The following SNTA1 variants were observed in gnomAD, a reference collection of about 807,000 sequenced individuals.
SNTA1 encodes syntrophin alpha 1, also known as alpha-1-syntrophin.
Under a neutral mutation model 47.1 loss-of-function variants are expected in SNTA1, and 31 were observed. That is an observed-to-expected ratio of 0.66 (90% confidence interval 0.49 to 0.89). SNTA1 has a LOEUF of 0.89. SNTA1 is among the 40% of genes least tolerant of loss of function. SNTA1 has a pLI of 0.00. For missense variants in SNTA1, 575 were observed against 693.0 expected, an observed-to-expected ratio of 0.83 and a Z score of 1.91; for synonymous variants, 300 against 313.6, an observed-to-expected ratio of 0.96 and a Z score of 0.46.
At position 33,433,411 on chromosome 20, in the gene SNTA1, C is replaced by T. The variant is rs765817966; in HGVS notation, c.496+5430G>A. Among the ~76,000 whole-genome samples, 8 of 151,498 alleles carry T rather than the reference C, an allele frequency of 5.3e-5. 1 individual carries two copies. The highest frequency in any genetic ancestry group is 8.8e-5 in the Non-Finnish European group (6 of 67,904). On this transcript the variant is annotated intron_variant, in intron 2 of 7. Transcript: ENST00000217381. ...TCCCGAGTAGCTGGGATTACAGGCGCGTGTCACCATGCTCAGCTAATTTTT... is the reference window on the plus strand; with the variant it reads ...TCCCGAGTAGCTGGGATTACAGGCGTGTGTCACCATGCTCAGCTAATTTTT...
intron 6 of SNTA1, among the ~76,000 whole-genome samples, chr20:33,409,587 C>T (rs917712328): frequency 1.2e-4 from 19 of 152,042 alleles, no homozygotes; most frequent in African/African-American, 4.1e-4. Context: ...CAGCTTCCTG[C>T]GTAGCTGGGA....
chr20:33,418,981 G>T (rs1989954124), intron 2 of SNTA1, among the ~76,000 whole-genome samples: 1 of 151,800 alleles, frequency 6.6e-6, no homozygotes, highest in African/African-American at 2.4e-5. Context: ...GGGCAGGGTG[G>T]TGCATGCCTG....
At chr20:33,431,312 T>G (rs1053861306) in intron 2 of SNTA1, among the ~76,000 whole-genome samples, 2 of 152,156 alleles carry the variant, frequency 1.3e-5, no homozygotes, top group African/African-American at 4.8e-5. Context: ...TTTTGGCATC[T>G]GAAAGACTTG....
intron 1 of SNTA1, among the ~76,000 whole-genome samples, chr20:33,441,988 G>C (rs949007035): frequency 1.3e-5 from 2 of 152,072 alleles, no homozygotes; most frequent in African/African-American, 4.8e-5. Context: ...CCCTTCTACA[G>C]GAAAGAATCA....
chr20:33,412,799 G>C lies in SNTA1; in HGVS notation c.702-17C>G, dbSNP rs1166065490. The C allele has an allele frequency of 6.4e-7, 1 of 1,567,936 alleles. No homozygotes were observed. Among genetic ancestry groups the C allele is most frequent in the Non-Finnish European group, 8.7e-7 (1 of 1,149,202 alleles). On this transcript the variant is annotated splice_polypyrimidine_tract_variant and intron_variant, in intron 3 of 7. Transcript: ENST00000217381. ...TCCAGATACCTGCAGGCACAAATGG[G>C]TGGAGACAAGGACCTGACCATTAGG...
intron 3 of SNTA1, among the ~76,000 whole-genome samples, chr20:33,414,261 A>AAAC (rs1555817390): frequency 1.4e-5 from 2 of 139,514 alleles, no homozygotes; most frequent in East Asian, 4.4e-4. Context: ...AAAAAAAAAA[A>AAAC]AAAAAAAAAA....
intron 1 of SNTA1, among the ~76,000 whole-genome samples, chr20:33,442,359 G>A (rs556235735): frequency 3.9e-5 from 6 of 152,288 alleles, no homozygotes; most frequent in South Asian, 2.1e-4. Context: ...CTTTCCCAAA[G>A]CACCTGCTGG....
rs786205846 is a variant in SNTA1, at chr20:33,443,581, C to T, written c.40G>A (p.Glu14Lys). The change falls in exon 1 of 8, where the codon GAG becomes AAG. Residue 14 changes from glutamate to lysine, a missense_variant. Glu to Lys is a moderately conservative substitution (Grantham distance 56). Transcript: ENST00000217381. ...CCCGAGCCCGCCCCGGCGCGCAGCT[C>T]CAGCAGCCCGGTGCGCGGGGCGCGC... ...GRRAPRTGLL[E>K]LRAGAGSGAG... 1.2e-4 allele frequency: 155 copies of T among 1,282,072 alleles called. No homozygotes were observed. Among genetic ancestry groups the T allele is most frequent in the Middle Eastern group, 6.0e-4 (2 of 3,320 alleles). The allele number at this position is 1,282,072 out of a possible 1,614,324, so 79.4% of individuals were successfully genotyped here.
chr20:33,439,689 TTAAAAA>T (rs1990532900), intron 1 of SNTA1, among the ~76,000 whole-genome samples: 3 of 152,080 alleles, frequency 2.0e-5, no homozygotes, highest in African/African-American at 7.2e-5. Context: ...CGCACAAAAA[TTAAAAA>T]TGAAAATAAC....
intron 1 of SNTA1, among the ~76,000 whole-genome samples, chr20:33,441,909 C>A (rs564231526): frequency 6.6e-6 from 1 of 152,248 alleles, no homozygotes; most frequent in African/African-American, 2.4e-5. Context: ...GGGGGTAAGA[C>A]TGGTGCCCAT....
rs1990636537 is a variant in SNTA1 at position 33,443,591 on chromosome 20, G to A, written c.30C>T (p.Thr10=). ...CCCCGGCGCGCAGCTCCAGCAGCCC[G>A]GTGCGCGGGGCGCGCCTGCCGGACG... The part of the protein sequence containing the change: MASGRRAPR[T]GLLELRAGAG... The change falls in exon 1 of 8, where the codon ACC becomes ACT. Residue 10 remains threonine (T), a synonymous_variant. Transcript: ENST00000217381. The A allele has an allele frequency of 2.4e-6, 3 of 1,255,236 alleles. No homozygotes were observed. Among genetic ancestry groups the A allele is most frequent in the Admixed American group, 7.6e-5 (2 of 26,176 alleles). The allele number at this position is 1,255,236 out of a possible 1,614,324, so 77.8% of individuals were successfully genotyped here.
chr20:33,423,195 C>G (rs1990077278), intron 2 of SNTA1, among the ~76,000 whole-genome samples: 1 of 152,208 alleles, frequency 6.6e-6, no homozygotes, highest in Admixed American at 6.5e-5. Context: ...CAGGAACATG[C>G]TATAAATGGA....
chr20:33,435,204 C>T (rs908864296), intron 2 of SNTA1, among the ~76,000 whole-genome samples: 7 of 147,858 alleles, frequency 4.7e-5, no homozygotes, highest in African/African-American at 1.7e-4. Flanking sequence ...GTTGGCCAGG[C>T]TGGTCTCAAA....
At chr20:33,431,246 G>A (rs1050767376) in intron 2 of SNTA1, among the ~76,000 whole-genome samples, 3 of 152,178 alleles carry the variant, frequency 2.0e-5, no homozygotes, top group Non-Finnish European at 4.4e-5. Context: ...GCATGACAGA[G>A]TGAGACCCTG....
chr20:33,412,734 C>T lies in SNTA1; in HGVS notation c.750G>A (p.Arg250=), dbSNP rs1014697667. ...SADGQDTLFL[R]AKDEASARSW... is the part of the protein sequence containing the mutation. Reference sequence around the variant, plus strand: ...ACCTCGCACTAGCCTCATCCTTGGCCCTCAGGAAGAGGGTGTCTTGACCAT... The same window carrying T: ...ACCTCGCACTAGCCTCATCCTTGGCTCTCAGGAAGAGGGTGTCTTGACCAT... Residue 250 remains arginine (R), a synonymous_variant, in exon 4 of 8, where the codon AGG becomes AGA. Coordinates refer to ENST00000217381, the MANE Select transcript of SNTA1 (RefSeq NM_003098.3). The T allele has an allele frequency of 9.9e-6, 16 of 1,613,406 alleles. No individual in the cohort carries two copies. Among genetic ancestry groups the T allele is most frequent in the Non-Finnish European group, 1.3e-5 (15 of 1,179,908 alleles).
intron 6 of SNTA1, 133 bp downstream of exon 6, chr20:33,410,002 G>C: frequency 1.2e-6 from 1 of 860,090 alleles, no homozygotes; most frequent in East Asian, 2.6e-5. Flanking sequence ...CTGACCTCAG[G>C]TGATCCACCC....
intron 1 of SNTA1, among the ~76,000 whole-genome samples, chr20:33,441,215 C>T (rs1025253735): frequency 1.3e-5 from 2 of 152,162 alleles, no homozygotes; most frequent in Non-Finnish European, 2.9e-5. Context: ...ATTAGGGAAA[C>T]TGAAGTGTGG....
intron 2 of SNTA1, among the ~76,000 whole-genome samples, chr20:33,419,502 T>G (rs1362479989): frequency 6.6e-6 from 1 of 152,162 alleles, no homozygotes; most frequent in African/African-American, 2.4e-5. Flanking sequence ...GGGTCAGGTT[T>G]TTTTGGGAGA....
In SNTA1 at chr20:33,412,296, C is replaced by T; in HGVS notation, c.1040G>A (p.Arg347Lys). ...ACATACTGCCCCTGCCTGTGGGTAC[C>T]TGGTGGCGATGAGTGGGGCAGTACG... Reference protein sequence around the residue: ...PARTAPLIATRLVHSGPSKGS... With the variant: ...PARTAPLIATKLVHSGPSKGS... The change falls in exon 5 of 8, where the codon AGA becomes AAA. Residue 347 changes from arginine to lysine, a missense_variant and splice_region_variant. Coordinates refer to ENST00000217381, the MANE Select transcript of SNTA1 (RefSeq NM_003098.3). 1 of 1,610,962 alleles carries T rather than the reference C, an allele frequency of 6.2e-7. No homozygotes were observed. The highest frequency in any genetic ancestry group is 8.5e-7 in the Non-Finnish European group (1 of 1,179,358).
Sources: gnomAD v4.1 joint callset for allele counts (sites outside exome capture counted in the v4.1 genomes callset) on GRCh38, gnomAD v4.1.1 for gene constraint, MANE v1.5 for transcripts, NCBI Gene and HGNC (gene_info 2026-07-23, HGNC 2026-07-21) for gene names.